Variants in CDH10 observed in about 807,000 individuals in gnomAD.
CDH10 encodes cadherin 10.
CDH10 carries 30 observed loss-of-function variants against 73.1 expected under a neutral mutation model. The ratio of observed to expected loss-of-function variants is 0.41; its 90% confidence interval spans 0.31 to 0.56. The LOEUF (loss-of-function observed/expected upper bound fraction) is 0.56, where lower values mean the gene tolerates loss of function less well. Ranked by LOEUF, CDH10 falls within the 20% of genes least tolerant of loss-of-function variation. The pLI, the probability that CDH10 is intolerant of heterozygous loss-of-function variation, is 0.27. For synonymous variants in CDH10, 345 were observed against 348.2 expected, an observed-to-expected ratio of 0.99 and a Z score of 0.10; for missense variants, 815 against 973.7, an observed-to-expected ratio of 0.84 and a Z score of 2.17.
At chr5:24,543,898 T>G (rs1208189097) in intron 2 of CDH10, among the ~76,000 whole-genome samples, 1 of 152,142 alleles carries the variant, frequency 6.6e-6, no homozygotes, top group Admixed American at 6.6e-5. Context: ...ATGCTGGCAA[T>G]ATAGTCCTCC....
chr5:24,613,650 A>C (rs537573233), intron 1 of CDH10, among the ~76,000 whole-genome samples: 5 of 152,184 alleles, frequency 3.3e-5, no homozygotes, highest in African/African-American at 1.2e-4. Context: ...GTTGCTACCT[A>C]GGACACTGTG....
At chr5:24,492,019 A>C (rs1186048984) in intron 10 of CDH10, among the ~76,000 whole-genome samples, 192 bp from the exon 11 acceptor site, 1 of 152,222 alleles carries the variant, frequency 6.6e-6, no homozygotes, top group Non-Finnish European at 1.5e-5. Context: ...AATATACTAT[A>C]AATTGTTCAT....
At chr5:24,496,480 G>A (rs1468192237) in intron 9 of CDH10, among the ~76,000 whole-genome samples, 6 of 152,098 alleles carry the variant, frequency 3.9e-5, no homozygotes, top group African/African-American at 7.2e-5. Flanking sequence ...TATTACATCA[G>A]TTAAAAGTTG....
chr5:24,578,072 G>A (rs1282564696), intron 2 of CDH10, among the ~76,000 whole-genome samples: 1 of 152,130 alleles, frequency 6.6e-6, no homozygotes, highest in Non-Finnish European at 1.5e-5. Context: ...GGTGAGGAGA[G>A]GACACTTTCC....
intron 5 of CDH10, among the ~76,000 whole-genome samples, chr5:24,533,359 T>C (rs1743817617): frequency 3.3e-5 from 5 of 151,662 alleles, no homozygotes; most frequent in Admixed American, 3.3e-4. Context: ...ATAATAATAG[T>C]CATAATAATA....
In CDH10 at chr5:24,493,302, A is replaced by G. The variant is rs907124894; in HGVS notation, c.1516-377T>C. On this transcript the variant is annotated intron_variant, in intron 9 of 11. Transcript: ENST00000264463. The stretch of plus-strand genomic sequence containing the variant: ...TGTGACTATGCTTTGTTTTTCCCCA[A>G]AAATAAAATGAAAAATGGTCGAGGA... Among the ~76,000 whole-genome samples, 4 of 152,038 alleles carry G rather than the reference A, an allele frequency of 2.6e-5. 1 individual carries two copies. Among genetic ancestry groups the G allele is most frequent in the African/African-American group, 4.8e-5 (2 of 41,448 alleles).
chr5:24,529,036 A>G (rs978953567), intron 5 of CDH10, among the ~76,000 whole-genome samples: 6 of 152,016 alleles, frequency 3.9e-5, no homozygotes, highest in African/African-American at 4.8e-5. Context: ...TGTCTATCTC[A>G]TACGGATGAT....
rs571399385 is a variant in CDH10 at position 24,585,782 on chromosome 5, T to C, written c.231+7478A>G. Among the ~76,000 whole-genome samples, 162 of 151,742 alleles carry C rather than the reference T, an allele frequency of 1.1e-3. 1 individual carries two copies. The highest frequency in any genetic ancestry group is 3.6e-3 in the African/African-American group (150 of 41,190). The stretch of plus-strand genomic sequence containing the variant: ...TAGGAGTAAACATAATCAAAGGTCA[T>C]TTCCTAGATTTTTGTTTTTTTCTCT... On this transcript the variant is annotated intron_variant, in intron 2 of 11. Transcript: ENST00000264463.
intron 1 of CDH10, among the ~76,000 whole-genome samples, chr5:24,596,645 T>G (rs1248043671): frequency 6.6e-6 from 1 of 151,986 alleles, no homozygotes; most frequent in Admixed American, 6.6e-5. Context: ...TAAAACATCA[T>G]TTTGTAATAT....
chr5:24,562,028 T>C (rs1579810444), intron 2 of CDH10, among the ~76,000 whole-genome samples: 4 of 152,276 alleles, frequency 2.6e-5, no homozygotes, highest in African/African-American at 9.6e-5. Flanking sequence ...TTGTTTCTAA[T>C]TTGCTGGATG....
At chr5:24,522,239 A>G (rs1413123068) in intron 5 of CDH10, among the ~76,000 whole-genome samples, 3 of 152,142 alleles carry the variant, frequency 2.0e-5, no homozygotes, top group African/African-American at 7.2e-5. Flanking sequence ...TTTCAACAGC[A>G]ACTCCTGATC....
chr5:24,551,185 T>C (rs531573009), intron 2 of CDH10, among the ~76,000 whole-genome samples: 1 of 152,294 alleles, frequency 6.6e-6, no homozygotes, highest in South Asian at 2.1e-4. Context: ...GCTACACTTA[T>C]TTCTACCTCA....
At chr5:24,636,195 T>C (rs1747862066) in intron 1 of CDH10, among the ~76,000 whole-genome samples, 1 of 151,938 alleles carries the variant, frequency 6.6e-6, no homozygotes, top group African/African-American at 2.4e-5. Context: ...ATCATGACAA[T>C]TGTCCTATGA....
chr5:24,567,352 G>GA (rs952893237), intron 2 of CDH10, among the ~76,000 whole-genome samples: 39 of 144,034 alleles, frequency 2.7e-4, no homozygotes, highest in African/African-American at 7.1e-4. Context: ...TACACATTTG[G>GA]AAAAAAAAAA....
At chr5:24,537,180 A>G (rs1743985675) in intron 3 of CDH10, among the ~76,000 whole-genome samples, 200 bp downstream of exon 3, 1 of 151,944 alleles carries the variant, frequency 6.6e-6, no homozygotes, top group Non-Finnish European at 1.5e-5. Flanking sequence ...ATGTATTATA[A>G]AGATTCACAA....
chr5:24,516,455 A>G (rs928070358), intron 5 of CDH10, among the ~76,000 whole-genome samples: 2 of 143,656 alleles, frequency 1.4e-5, no homozygotes, highest in Non-Finnish European at 3.1e-5. Context: ...TAATACCACC[A>G]TTTACTAATA....
chr5:24,526,876 C>T (rs1743552663), intron 5 of CDH10, among the ~76,000 whole-genome samples: 1 of 151,744 alleles, frequency 6.6e-6, no homozygotes, highest in African/African-American at 2.4e-5. Context: ...CTCATAATCT[C>T]ACCTCTCACA....
chr5:24,606,616 A>T (rs1746771921), intron 1 of CDH10, among the ~76,000 whole-genome samples: 1 of 152,166 alleles, frequency 6.6e-6, no homozygotes, highest in Non-Finnish European at 1.5e-5. Flanking sequence ...GTCTCCAAAA[A>T]CAAAGAACAA....
At chr5:24,633,858 A>G (rs1328032620) in intron 1 of CDH10, among the ~76,000 whole-genome samples, 4 of 151,838 alleles carry the variant, frequency 2.6e-5, no homozygotes, top group African/African-American at 9.7e-5. Context: ...TTCACTTGGA[A>G]AAACGTCTAA....
Sources: gnomAD v4.1 joint callset for allele counts (sites outside exome capture counted in the v4.1 genomes callset) on GRCh38, gnomAD v4.1.1 for gene constraint, MANE v1.5 for transcripts, NCBI Gene and HGNC (gene_info 2026-07-23, HGNC 2026-07-21) for gene names.